The following FAM193A variants were observed in gnomAD, a reference collection of about 807,000 sequenced individuals.
FAM193A encodes the protein family with sequence similarity 193 member A, also known as protein FAM193A.
Under a neutral mutation model 126.5 loss-of-function variants are expected in FAM193A, and 22 were observed. That is an observed-to-expected ratio of 0.17 (90% CI 0.12 to 0.25). The LOEUF is 0.25. Ranked by LOEUF, FAM193A falls within the 10% of genes least tolerant of loss-of-function variation. FAM193A has a pLI of 1.00. For missense variants in FAM193A, 1,675 were observed against 1,672.8 expected (o/e 1.00, Z -0.02); for synonymous variants, 761 against 646.8 (o/e 1.18, Z -2.68).
At chr4:2,671,245 C>T (rs1227544662) in intron 12 of FAM193A, among the ~76,000 whole-genome samples, 2 of 152,202 alleles carry the variant, frequency 1.3e-5, no homozygotes, top group South Asian at 2.1e-4. Flanking sequence ...CCTTCCGTGG[C>T]GCTCTCATTT....
At chr4:2,643,468 C>T (rs1560513167) in intron 6 of FAM193A, among the ~76,000 whole-genome samples, 1 of 152,004 alleles carries the variant, frequency 6.6e-6, no homozygotes, top group Non-Finnish European at 1.5e-5. Context: ...ATTTCAATAA[C>T]ATTAATTATA....
At chr4:2,632,988 G>A (rs189402523) in intron 5 of FAM193A, among the ~76,000 whole-genome samples, 85 of 152,326 alleles carry the variant, frequency 5.6e-4, no homozygotes, top group Non-Finnish European at 1.1e-3. Flanking sequence ...AAATGCTGGC[G>A]AGGTCTGCAC....
chr4:2,722,702 G>A (rs1463891283), intron 20 of FAM193A, among the ~76,000 whole-genome samples: 2 of 152,314 alleles, frequency 1.3e-5, no homozygotes, highest in South Asian at 2.1e-4. Flanking sequence ...TGCAAGGCAA[G>A]AACGCTGTTG....
chr4:2,563,262 A>G (rs1159924290), intron 1 of FAM193A, among the ~76,000 whole-genome samples: 6 of 152,306 alleles, frequency 3.9e-5, no homozygotes, highest in Admixed American at 1.3e-4. Context: ...CATTTCAGTC[A>G]TGGGTGAGTC....
intron 20 of FAM193A, among the ~76,000 whole-genome samples, chr4:2,724,748 T>G (rs1189767833): frequency 6.6e-6 from 1 of 152,148 alleles, no homozygotes; most frequent in Non-Finnish European, 1.5e-5. Context: ...AGCTTTCCAG[T>G]CAATGAAGCT....
intron 20 of FAM193A, among the ~76,000 whole-genome samples, chr4:2,717,377 G>A (rs1719656972): frequency 6.6e-6 from 1 of 152,100 alleles, no homozygotes; most frequent in Non-Finnish European, 1.5e-5. Context: ...CAGATCACTT[G>A]ATCAGGTCAG....
chr4:2,662,907 T>C lies in FAM193A; in HGVS notation c.1815T>C (p.Tyr605=), dbSNP rs535340585. The change falls in exon 11 of 21, where the codon TAT becomes TAC. Residue 605 remains tyrosine (Y), a synonymous_variant. Coordinates refer to ENST00000637812, the MANE Select transcript of FAM193A (RefSeq NM_001366318.2). The stretch of plus-strand genomic sequence containing the variant: ...CTGATATTTATCCATTGAGTAATTA[T>C]GATGATACCGAGGTGGTGGCCAACA... ...KFADIYPLSN[Y]DDTEVVANMN... is the part of the protein sequence containing the mutation. The C allele has an allele frequency of 4.6e-5, 75 of 1,613,634 alleles. No homozygotes were observed. Among genetic ancestry groups the C allele is most frequent in the Non-Finnish European group, 6.0e-5 (71 of 1,179,762 alleles).
chr4:2,659,274 G>A (rs1171139119), intron 8 of FAM193A, among the ~76,000 whole-genome samples: 3 of 152,198 alleles, frequency 2.0e-5, no homozygotes, highest in African/African-American at 7.2e-5. Flanking sequence ...ATGGCAGACA[G>A]GGTAAAGGCC....
At chr4:2,632,403 C>CA (rs145352086) in intron 5 of FAM193A, among the ~76,000 whole-genome samples, 1 of 151,820 alleles carries the variant, frequency 6.6e-6, no homozygotes, top group Non-Finnish European at 1.5e-5. Flanking sequence ...CCACCTATAC[C>CA]AAAAAAATTT....
intron 1 of FAM193A, among the ~76,000 whole-genome samples, chr4:2,540,424 C>A (rs756867798): frequency 1.3e-5 from 2 of 151,854 alleles, no homozygotes; most frequent in Non-Finnish European, 2.9e-5. Context: ...GCCGAGATGG[C>A]GCCACTGCAC....
chr4:2,581,412 C>T (rs1164476764), intron 1 of FAM193A, among the ~76,000 whole-genome samples: 1 of 151,466 alleles, frequency 6.6e-6, no homozygotes, highest in Non-Finnish European at 1.5e-5. Flanking sequence ...TGCCACCACG[C>T]CTGGCTGATT....
intron 2 of FAM193A, among the ~76,000 whole-genome samples, chr4:2,610,283 T>C (rs1315885369): frequency 1.3e-5 from 2 of 152,118 alleles, no homozygotes; most frequent in Non-Finnish European, 2.9e-5. Context: ...TATCTTGAAT[T>C]GTTACCCAAT....
At chr4:2,593,111 G>GA (rs971608883) in intron 1 of FAM193A, among the ~76,000 whole-genome samples, 1 of 152,072 alleles carries the variant, frequency 6.6e-6, no homozygotes, top group African/African-American at 2.4e-5. Flanking sequence ...CTGAAGGAAT[G>GA]AAAAAATACC....
At chr4:2,725,434 A>G (rs1223648002) in intron 20 of FAM193A, among the ~76,000 whole-genome samples, 9 of 133,894 alleles carry the variant, frequency 6.7e-5, no homozygotes, top group Non-Finnish European at 1.1e-4. Flanking sequence ...TGGGCAACAG[A>G]GTAAGACCCT....
intron 1 of FAM193A, among the ~76,000 whole-genome samples, chr4:2,542,962 A>G (rs917971609): frequency 3.9e-5 from 6 of 152,082 alleles, no homozygotes; most frequent in African/African-American, 1.4e-4. Flanking sequence ...GAGAAGTAGG[A>G]AAACATAACT....
rs754256449 is a variant in FAM193A, at chr4:2,639,876, C to T, written c.1163+17C>T. ...ACAGATCAGGTATTTTGCCTTAACC[C>T]GTATGTGTCTTTGTGGTGTGACAGC... On this transcript the variant is annotated intron_variant, in intron 6 of 20. Transcript: ENST00000637812. The T allele has an allele frequency of 9.3e-6, 15 of 1,610,314 alleles. No homozygotes were observed. The highest frequency in any genetic ancestry group is 3.4e-5 in the Admixed American group (2 of 59,592).
At chr4:2,566,037 T>A (rs1434573135) in intron 1 of FAM193A, among the ~76,000 whole-genome samples, 1 of 151,348 alleles carries the variant, frequency 6.6e-6, no homozygotes, top group Admixed American at 6.6e-5. Flanking sequence ...ATTTTAACAA[T>A]GAGTGGAAAA....
intron 19 of FAM193A, among the ~76,000 whole-genome samples, chr4:2,709,614 CAGG>C (rs1321678101): frequency 6.6e-6 from 1 of 152,110 alleles, no homozygotes; most frequent in Non-Finnish European, 1.5e-5. Context: ...GAGGCTGAGG[CAGG>C]AGAATAGCTT....
At position 2,552,474 on chromosome 4, in the gene FAM193A, C is replaced by G. The variant is rs549501880; in HGVS notation, c.255+15304C>G. The stretch of plus-strand genomic sequence containing the variant: ...GCTTTTCTAATGTGAATATTTAATG[C>G]TATAAACGTCTCTCTGAGCCATACT... On this transcript the variant is annotated intron_variant, in intron 1 of 20. Coordinates refer to ENST00000637812, the MANE Select transcript of FAM193A (RefSeq NM_001366318.2). Among the ~76,000 whole-genome samples the G allele has an allele frequency of 5.3e-5, 8 of 151,182 alleles. No individual in the cohort carries two copies. The East Asian group carries it at 1.6e-3, about 30-fold the overall frequency.
Sources: gnomAD v4.1 joint callset for allele counts (sites outside exome capture counted in the v4.1 genomes callset) on GRCh38, gnomAD v4.1.1 for gene constraint, MANE v1.5 for transcripts, NCBI Gene and HGNC (gene_info 2026-07-23, HGNC 2026-07-21) for gene names.